Variants in RXRA observed in about 807,000 individuals in gnomAD.
RXRA encodes the protein retinoid X receptor alpha, also known as retinoic acid receptor RXR-alpha.
RXRA carries 5 observed loss-of-function variants against 44.5 expected under a neutral mutation model. The ratio of observed to expected loss-of-function variants is 0.11; its 90% CI spans 0.06 to 0.24. RXRA has a LOEUF of 0.24. RXRA is among the 10% of genes least tolerant of loss of function. The pLI is 1.00. For synonymous variants in RXRA, 291 were observed against 271.4 expected (o/e 1.07, Z -0.71); for missense variants, 412 against 646.5 (o/e 0.64, Z 3.93).
intron 1 of RXRA, among the ~76,000 whole-genome samples, chr9:134,350,006 C>T (rs978829834): frequency 3.3e-5 from 5 of 151,946 alleles, no homozygotes; most frequent in Non-Finnish European, 7.4e-5. Flanking sequence ...CTGATTCATG[C>T]CTCTTTCCAG....
chr9:134,330,257 C>T (rs1368745728), intron 1 of RXRA, among the ~76,000 whole-genome samples: 2 of 152,236 alleles, frequency 1.3e-5, no homozygotes, highest in Non-Finnish European at 2.9e-5. Context: ...CAAGACCTGC[C>T]CCTCCTTCCC....
chr9:134,379,219 G>A, intron 1 of RXRA: 1 of 967,916 alleles, frequency 1.0e-6, no homozygotes, highest in Non-Finnish European at 1.2e-6. Flanking sequence ...GCTTAACTGG[G>A]CCTTTCCTGA....
At position 134,433,445 on chromosome 9, in the gene RXRA, C is replaced by G. The variant is rs898334990; in HGVS notation, c.1136-657C>G. Reference sequence around the variant, plus strand: ...AGGAGACTGGCTGGAGCGGAGGCAGCTGGGGGAGCCAGGTACGTTGCCAAG... The same window carrying G: ...AGGAGACTGGCTGGAGCGGAGGCAGGTGGGGGAGCCAGGTACGTTGCCAAG... On this transcript the variant is annotated intron_variant, in intron 8 of 9. Coordinates refer to ENST00000481739, the MANE Select transcript of RXRA (RefSeq NM_002957.6). The surrounding 1 kb of genome is among the most constrained non-coding windows in gnomAD (Gnocchi z 4.2). Among the ~76,000 whole-genome samples the G allele has an allele frequency of 6.7e-6, 1 of 148,770 alleles. No homozygotes were observed. The highest frequency in any genetic ancestry group is 1.5e-5 in the Non-Finnish European group (1 of 67,928).
At chr9:134,355,689 G>A (rs1830274975) in intron 1 of RXRA, among the ~76,000 whole-genome samples, 1 of 152,050 alleles carries the variant, frequency 6.6e-6, no homozygotes, top group South Asian at 2.1e-4. Context: ...GTGCACCCCC[G>A]CTGGGTGGGG....
intron 6 of RXRA, chr9:134,423,094 C>T: frequency 1.0e-6 from 1 of 985,476 alleles, no homozygotes; most frequent in East Asian, 1.1e-4. Flanking sequence ...GGGGCAGGCC[C>T]CCCGCAAAGC....
intron 1 of RXRA, among the ~76,000 whole-genome samples, chr9:134,354,627 A>G (rs1830261607): frequency 6.6e-6 from 1 of 152,220 alleles, no homozygotes; most frequent in African/African-American, 2.4e-5. Context: ...GTTGTGCCCC[A>G]GGGTGAGCCC....
rs1831704248 is a variant in RXRA at position 134,439,983 on chromosome 9, A to G, written c.*3369A>G. The G allele has an allele frequency of 6.6e-6, 1 of 152,566 alleles. No individual in the cohort carries two copies. The highest frequency in any genetic ancestry group is 3.4e-3 in the Middle Eastern group (1 of 294). 9.5% of individuals were successfully genotyped at this position (152,566 alleles called of 1,614,324 possible). On this transcript the variant is annotated 3_prime_UTR_variant, in exon 10 of 10. Transcript: ENST00000481739. ...GGAGCAGACAGCTTTAGCCGTTCCCAATCCTTAGCAATGCCTTAGCTGGGA... is the reference window on the plus strand; with the variant it reads ...GGAGCAGACAGCTTTAGCCGTTCCCGATCCTTAGCAATGCCTTAGCTGGGA...
At position 134,440,173 on chromosome 9, in the gene RXRA, G is replaced by A. The variant is rs1305858054; in HGVS notation, c.*3559G>A. The A allele has an allele frequency of 6.6e-6, 1 of 152,014 alleles. No homozygotes were observed. The highest frequency in any genetic ancestry group is 1.9e-4 in the East Asian group (1 of 5,188). The allele number at this position is 152,014 out of a possible 1,614,324, so 9.4% of individuals were successfully genotyped here. A position where few individuals can be genotyped will look rare whatever the true frequency, so the allele number is the denominator to read the frequency against. ...ATATGGCGGGGGGAGGGCTGGGACTGTTTCGTTTCTGCTTCTAGAGATTGA... is the reference window on the plus strand; with the variant it reads ...ATATGGCGGGGGGAGGGCTGGGACTATTTCGTTTCTGCTTCTAGAGATTGA... On this transcript the variant is annotated 3_prime_UTR_variant, in exon 10 of 10. Coordinates refer to ENST00000481739, the MANE Select transcript of RXRA (RefSeq NM_002957.6).
chr9:134,410,036 C>T (rs1831122851), intron 4 of RXRA, among the ~76,000 whole-genome samples: 1 of 152,242 alleles, frequency 6.6e-6, no homozygotes. Context: ...GTCTCACCGT[C>T]AGGGATGTCC....
rs528453723 is a variant in RXRA at position 134,408,936 on chromosome 9, G to A, written c.431-4G>A. ...CCCCAGCCCTGCTCTGCCCTGTCCC[G>A]CAGGCAAGCACTATGGAGTGTACAG... On this transcript the variant is annotated splice_region_variant and splice_polypyrimidine_tract_variant and intron_variant, in intron 3 of 9. Coordinates refer to ENST00000481739, the MANE Select transcript of RXRA (RefSeq NM_002957.6). 38 of 1,535,546 alleles carry A rather than the reference G, an allele frequency of 2.5e-5. No homozygotes were observed. In the Admixed American group the frequency reaches 2.5e-4, roughly 10 times the overall value.
chr9:134,377,974 T>C (rs35705343), intron 1 of RXRA, among the ~76,000 whole-genome samples: 113,488 of 152,072 alleles, frequency 0.75, 42,550 homozygotes, highest in East Asian at 0.81. Context: ...TGGGGCAGGT[T>C]ATGTGCAGCT....
At chr9:134,380,248 G>A in intron 1 of RXRA, 3 of 951,234 alleles carry the variant, frequency 3.2e-6, no homozygotes, top group Non-Finnish European at 3.8e-6. Flanking sequence ...CAGGATGGGA[G>A]TGGGGGTGGC....
chr9:134,382,125 T>TC (rs1554752636), intron 1 of RXRA, among the ~76,000 whole-genome samples: 22 of 151,748 alleles, frequency 1.4e-4, no homozygotes, highest in Non-Finnish European at 2.2e-4. Context: ...TGCCAGGATG[T>TC]GGGGGGGCGC....
chr9:134,373,040 G>T (rs576230086), intron 1 of RXRA, among the ~76,000 whole-genome samples: 1 of 152,210 alleles, frequency 6.6e-6, no homozygotes, highest in Non-Finnish European at 1.5e-5. Context: ...CGTCTGCCCC[G>T]GGTTCGTCAG....
intron 1 of RXRA, among the ~76,000 whole-genome samples, chr9:134,396,152 G>A (rs1198649917): frequency 2.6e-5 from 4 of 152,204 alleles, no homozygotes; most frequent in African/African-American, 7.2e-5. Context: ...GGGTCTCTCC[G>A]TCAGGGAGTG....
At chr9:134,425,552 G>T (rs1831418216) in intron 6 of RXRA, 2 of 789,856 alleles carry the variant, frequency 2.5e-6, no homozygotes, top group East Asian at 1.3e-4. Context: ...AGGGTGGGGG[G>T]TGGGGGGGGG....
At chr9:134,339,646 T>TCTGTGTGTGTGCCTGTGTGTGTGTGAGC (rs1830059535) in intron 1 of RXRA, among the ~76,000 whole-genome samples, 2 of 149,402 alleles carry the variant, frequency 1.3e-5, no homozygotes, top group African/African-American at 5.0e-5. Flanking sequence ...TGTGCGTGTG[T>TCTGTGTGTGTGCCTGTGTGTGTGTGAGC]CTGTGTGTGT....
At chr9:134,418,110 C>T (rs1387122472) in intron 5 of RXRA, among the ~76,000 whole-genome samples, 1 of 152,136 alleles carries the variant, frequency 6.6e-6, no homozygotes, top group East Asian at 1.9e-4. Context: ...GTTCTGAGCC[C>T]CTCCTACCCT....
intron 1 of RXRA, among the ~76,000 whole-genome samples, chr9:134,337,400 C>T (rs782372757): frequency 3.9e-5 from 6 of 152,342 alleles, no homozygotes; most frequent in Non-Finnish European, 5.9e-5. Flanking sequence ...AGCCCTCAAG[C>T]GGGCAGTAGT....
Sources: gnomAD v4.1 joint callset for allele counts (sites outside exome capture counted in the v4.1 genomes callset) on GRCh38, gnomAD v4.1.1 for gene constraint, Gnocchi (gnomAD v3.1) non-coding constraint, MANE v1.5 for transcripts, NCBI Gene and HGNC (gene_info 2026-07-23, HGNC 2026-07-21) for gene names.